The following ANKRD13C variants were observed in gnomAD, a reference collection of about 807,000 sequenced individuals.
ANKRD13C encodes ankyrin repeat domain-containing protein 13C.
A neutral mutation model predicts 65.5 loss-of-function variants in ANKRD13C; 16 were observed. That is an observed-to-expected ratio of 0.24 (90% confidence interval 0.17 to 0.37). ANKRD13C has a LOEUF of 0.37. Ranked by LOEUF, ANKRD13C falls within the 10% of genes least tolerant of loss-of-function variation. ANKRD13C has a pLI of 1.00. For synonymous variants in ANKRD13C, 235 were observed against 238.7 expected (o/e 0.98, Z 0.14); for missense variants, 503 against 655.9 (o/e 0.77, Z 2.55).
chr1:70,352,339 C>CA (rs397965041), intron 1 of ANKRD13C, among the ~76,000 whole-genome samples: 6,639 of 58,902 alleles, frequency 0.11, 515 homozygotes, highest in African/African-American at 0.16. Context: ...GACTCCGTCT[C>CA]AAAAAAAAAA....
chr1:70,337,959 G>A (rs1409960499), intron 1 of ANKRD13C, among the ~76,000 whole-genome samples: 1 of 151,932 alleles, frequency 6.6e-6, no homozygotes, highest in East Asian at 1.9e-4. Flanking sequence ...ATTAGCCAGG[G>A]GTGGTGGCGC....
chr1:70,308,565 C>G (rs1033250448), intron 5 of ANKRD13C, among the ~76,000 whole-genome samples: 18 of 151,686 alleles, frequency 1.2e-4, no homozygotes, highest in Admixed American at 1.3e-4. Flanking sequence ...CGGTGAAACC[C>G]CGTCTTTACT....
At chr1:70,333,549 G>A (rs1326467195) in intron 2 of ANKRD13C, among the ~76,000 whole-genome samples, 3 of 152,186 alleles carry the variant, frequency 2.0e-5, no homozygotes, top group Non-Finnish European at 4.4e-5. Flanking sequence ...CTTAAAGACA[G>A]ATAATTCATA....
chr1:70,306,337 A>C (rs1192966925), intron 5 of ANKRD13C, 47 bp from the exon 6 acceptor site: 1 of 1,243,388 alleles, frequency 8.0e-7, no homozygotes, highest in Non-Finnish European at 1.1e-6. Flanking sequence ...CTAAATTTTG[A>C]GATATTTACA....
intron 12 of ANKRD13C, among the ~76,000 whole-genome samples, chr1:70,265,452 G>A (rs1326394869): frequency 6.6e-6 from 1 of 152,094 alleles, no homozygotes; most frequent in Non-Finnish European, 1.5e-5. Context: ...TAAACAGGAA[G>A]AGAGAATCTG....
intron 6 of ANKRD13C, among the ~76,000 whole-genome samples, chr1:70,302,725 C>CAAAAAAAAAAA (rs11359618): frequency 4.0e-4 from 13 of 32,168 alleles, no homozygotes; most frequent in Admixed American, 1.4e-3. Flanking sequence ...GACTCCGTCT[C>CAAAAAAAAAAA]AAAAAAAAAA....
At chr1:70,324,778 G>T in intron 3 of ANKRD13C, 75 bp downstream of exon 3, 1 of 1,076,908 alleles carries the variant, frequency 9.3e-7, no homozygotes, top group Non-Finnish European at 1.3e-6. Flanking sequence ...AAGTTACAAT[G>T]AATGAAGAAT....
intron 6 of ANKRD13C, among the ~76,000 whole-genome samples, chr1:70,304,346 A>T (rs1003592992): frequency 2.6e-5 from 4 of 152,238 alleles, no homozygotes; most frequent in Non-Finnish European, 5.9e-5. Flanking sequence ...TAAATGTGAA[A>T]CAATTTTTTT....
At chr1:70,342,739 AACACACACACACACAC>A (rs373447795) in intron 1 of ANKRD13C, among the ~76,000 whole-genome samples, 1 of 115,262 alleles carries the variant, frequency 8.7e-6, no homozygotes, top group Non-Finnish European at 2.1e-5. Context: ...CACACACAAT[AACACACACACACACAC>A]ACACACACAC....
chr1:70,343,546 G>T (rs952411350), intron 1 of ANKRD13C, among the ~76,000 whole-genome samples: 1 of 152,136 alleles, frequency 6.6e-6, no homozygotes, highest in African/African-American at 2.4e-5. Context: ...GACCACTTTA[G>T]CTTTTAGGTA....
intron 9 of ANKRD13C, among the ~76,000 whole-genome samples, chr1:70,279,289 C>T (rs952855427): frequency 6.6e-6 from 1 of 152,098 alleles, no homozygotes; most frequent in South Asian, 2.1e-4. Flanking sequence ...TTCTGCCGAA[C>T]TACAGAGTAT....
intron 1 of ANKRD13C, among the ~76,000 whole-genome samples, chr1:70,349,926 A>T (rs1288509328): frequency 6.6e-6 from 1 of 152,206 alleles, no homozygotes; most frequent in Admixed American, 6.5e-5. Context: ...ACTTGAGGTC[A>T]GGCGTTCCAG....
chr1:70,311,749 A>C (rs1209283403), intron 5 of ANKRD13C, among the ~76,000 whole-genome samples: 2 of 152,228 alleles, frequency 1.3e-5, no homozygotes, highest in East Asian at 3.8e-4. Flanking sequence ...TTAAAATCTT[A>C]GTAAACTGAG....
chr1:70,327,588 G>T (rs1342886992), intron 2 of ANKRD13C, among the ~76,000 whole-genome samples: 1 of 152,140 alleles, frequency 6.6e-6, no homozygotes, highest in East Asian at 1.9e-4. Flanking sequence ...AACAATTGGA[G>T]AAATCTCAAT....
chr1:70,274,976 T>C (rs994455556), intron 10 of ANKRD13C, among the ~76,000 whole-genome samples, 158 bp from the exon 11 acceptor site: 1 of 152,158 alleles, frequency 6.6e-6, no homozygotes, highest in Non-Finnish European at 1.5e-5. Flanking sequence ...AAGATATGTA[T>C]AAGAAATTAA....
intron 10 of ANKRD13C, among the ~76,000 whole-genome samples, chr1:70,275,335 T>C (rs2101137552): frequency 6.6e-6 from 1 of 152,282 alleles, no homozygotes; most frequent in South Asian, 2.1e-4. Flanking sequence ...TAAAATAGAA[T>C]GAGCGTTCCA....
chr1:70,290,138 G>T (rs375469597), intron 9 of ANKRD13C, among the ~76,000 whole-genome samples: 9,654 of 152,246 alleles, frequency 0.063, 400 homozygotes, highest in South Asian at 0.21. Context: ...TCACACTAAA[G>T]TGGCATGATC....
At chr1:70,297,333 G>A (rs560193360) in intron 7 of ANKRD13C, among the ~76,000 whole-genome samples, 13 of 123,596 alleles carry the variant, frequency 1.1e-4, no homozygotes, top group African/African-American at 2.8e-4. Context: ...CCGCTTTGTC[G>A]CCCAGGCTGG....
At chr1:70,289,870 T>C (rs779593175) in intron 9 of ANKRD13C, among the ~76,000 whole-genome samples, 4 of 152,204 alleles carry the variant, frequency 2.6e-5, no homozygotes, top group Non-Finnish European at 5.9e-5. Context: ...AATCACAATA[T>C]AAGTCCAAAG....
Sources: allele counts gnomAD v4.1 joint callset (sites outside exome capture counted in the v4.1 genomes callset), GRCh38; gene constraint gnomAD v4.1.1; transcripts MANE v1.5; gene names NCBI Gene and HGNC (gene_info 2026-07-23, HGNC 2026-07-21).